NXPH3: variants seen among roughly 807,000 people sequenced by gnomAD.
The protein encoded by NXPH3 is neurexophilin-3.
In NXPH3, 7 loss-of-function variants were observed where a neutral mutation model predicts 18.8. That is an observed-to-expected ratio of 0.37 (90% confidence interval 0.21 to 0.70). The LOEUF is 0.70. Ranked by LOEUF, NXPH3 falls within the 30% of genes least tolerant of loss-of-function variation. The pLI, the probability that NXPH3 is intolerant of heterozygous loss-of-function variation, is 0.53. For missense variants in NXPH3, 282 were observed against 338.1 expected (o/e 0.83, Z 1.30); for synonymous variants, 101 against 137.3 (o/e 0.74, Z 1.85).
rs2071604379 is a variant in NXPH3 at position 49,582,218 on chromosome 17, T to C, written c.*2918T>C. 3.1e-6 allele frequency: 1 copy of C among 324,124 alleles called. No homozygotes were observed. The highest frequency in any genetic ancestry group is 5.7e-6 in the Non-Finnish European group (1 of 176,788). 20.1% of individuals were successfully genotyped at this position (324,124 alleles called of 1,614,324 possible). The stretch of plus-strand genomic sequence containing the variant: ...CCCCCACCATCACGACGAAGTGCGC[T>C]GGCCTCCCACTCTTGCCATGCACAC... On this transcript the variant is annotated 3_prime_UTR_variant, in exon 2 of 2. Coordinates refer to ENST00000328741, the MANE Select transcript of NXPH3 (RefSeq NM_007225.4).
At position 49,580,546 on chromosome 17, in the gene NXPH3, G is replaced by A. The variant is rs1361356369; in HGVS notation, c.*1246G>A. On this transcript the variant is annotated 3_prime_UTR_variant, in exon 2 of 2. Transcript: ENST00000328741. ...GGTTCCAAGCTGTCTGATCCCCCAC[G>A]AGGAAACTTGAGCAAACACCCTGGG... is the stretch of plus-strand genomic sequence containing the variant. 3 of 152,282 alleles carry A rather than the reference G, an allele frequency of 2.0e-5. No homozygotes were observed. The highest frequency in any genetic ancestry group is 2.4e-5 in the African/African-American group (1 of 41,444). 9.4% of individuals were successfully genotyped at this position (152,282 alleles called of 1,614,324 possible).
rs1225664449 is a variant in NXPH3, at chr17:49,579,487, C to T, written c.*187C>T. On this transcript the variant is annotated 3_prime_UTR_variant, in exon 2 of 2. Transcript: ENST00000328741. The surrounding 1 kb of genome is among the most constrained non-coding windows in gnomAD (Gnocchi z 6.0). ...GAGAAAGGGTCCCAAGTGCTGGTCC[C>T]AACCTGAAGCTGTGGAGTGACTAGA... 1.0e-5 allele frequency: 6 copies of T among 602,696 alleles called. No homozygotes were observed. The highest frequency in any genetic ancestry group is 1.5e-5 in the Non-Finnish European group (5 of 341,428). 37.3% of individuals were successfully genotyped at this position (602,696 alleles called of 1,614,324 possible). A position where few individuals can be genotyped will look rare whatever the true frequency, so the allele number is the denominator to read the frequency against.
chr17:49,576,490 C>T (rs898497269), intron 1 of NXPH3, among the ~76,000 whole-genome samples: 1 of 152,026 alleles, frequency 6.6e-6, no homozygotes, highest in Non-Finnish European at 1.5e-5. Context: ...GGCCCACCCA[C>T]TCCGCAGCGG....
Position 49,579,306 on chromosome 17 carries a change from G to A in NXPH3, c.*6G>A, listed in dbSNP as rs1237337504. The stretch of plus-strand genomic sequence containing the variant: ...CCTACTACCCATCTGGGTGACCCGG[G>A]GCAGGCCACAGAGGCCAGGCCAGGG... On this transcript the variant is annotated 3_prime_UTR_variant, in exon 2 of 2. Transcript: ENST00000328741. This position sits in a 1 kb window ranked among gnomAD's most constrained non-coding sequence, Gnocchi z 6.0. 2.5e-6 allele frequency: 4 copies of A among 1,592,802 alleles called. No individual in the cohort carries two copies. The African/African-American group carries it at 4.0e-5, about 16-fold the overall frequency.
At position 49,579,334 on chromosome 17, in the gene NXPH3, G is replaced by C. The variant is rs781089247; in HGVS notation, c.*34G>C. The stretch of plus-strand genomic sequence containing the variant: ...AGGCCACAGAGGCCAGGCCAGGGCT[G>C]GAAGGACAGGCCTGCCCATGCAGGA... On this transcript the variant is annotated 3_prime_UTR_variant, in exon 2 of 2. Coordinates refer to ENST00000328741, the MANE Select transcript of NXPH3 (RefSeq NM_007225.4). This position sits in a 1 kb window ranked among gnomAD's most constrained non-coding sequence, Gnocchi z 6.0. The C allele has an allele frequency of 6.5e-7, 1 of 1,548,118 alleles. No individual in the cohort carries two copies. Among genetic ancestry groups the C allele is most frequent in the Non-Finnish European group, 8.8e-7 (1 of 1,141,222 alleles).
In NXPH3 at chr17:49,582,793, C is replaced by T. The variant is rs2071607279; in HGVS notation, c.*3493C>T. The T allele has an allele frequency of 6.6e-6, 1 of 152,238 alleles. No individual in the cohort carries two copies. The highest frequency in any genetic ancestry group is 6.5e-5 in the Admixed American group (1 of 15,290). 9.4% of individuals were successfully genotyped at this position (152,238 alleles called of 1,614,324 possible). A position where few individuals can be genotyped will look rare whatever the true frequency, so the allele number is the denominator to read the frequency against. ...GCTGTCTGGGTCTCAGCATTCCTTT[C>T]TCAAGTAGGGTGAATCTCCTAGCAC... On this transcript the variant is annotated 3_prime_UTR_variant, in exon 2 of 2. Coordinates refer to ENST00000328741, the MANE Select transcript of NXPH3 (RefSeq NM_007225.4).
In NXPH3 at chr17:49,581,514, C is replaced by A; in HGVS notation, c.*2214C>A. 1 of 651,620 alleles carries A rather than the reference C, an allele frequency of 1.5e-6. No homozygotes were observed. The highest frequency in any genetic ancestry group is 1.7e-5 in the South Asian group (1 of 57,966). The allele number at this position is 651,620 out of a possible 1,614,324, so 40.4% of individuals were successfully genotyped here. Reference sequence around the variant, plus strand: ...GGCTGAGAAGCCATCTGGTTACAGCCCACCTTGTAGGAAATGACCCAGCTT... The same window carrying A: ...GGCTGAGAAGCCATCTGGTTACAGCACACCTTGTAGGAAATGACCCAGCTT... On this transcript the variant is annotated 3_prime_UTR_variant, in exon 2 of 2. Coordinates refer to ENST00000328741, the MANE Select transcript of NXPH3 (RefSeq NM_007225.4).
chr17:49,581,682 C>T lies in NXPH3; in HGVS notation c.*2382C>T, dbSNP rs901448205. 3 of 702,494 alleles carry T rather than the reference C, an allele frequency of 4.3e-6. No homozygotes were observed. Among genetic ancestry groups the T allele is most frequent in the African/African-American group, 1.7e-5 (1 of 57,270 alleles). 43.5% of individuals were successfully genotyped at this position (702,494 alleles called of 1,614,324 possible). On this transcript the variant is annotated 3_prime_UTR_variant, in exon 2 of 2. Coordinates refer to ENST00000328741, the MANE Select transcript of NXPH3 (RefSeq NM_007225.4). ...GGAGCAGCCCACCAATGGACACCCACCGTGTGCCGTTCAGCCTCCCACAGT... is the reference window on the plus strand; with the variant it reads ...GGAGCAGCCCACCAATGGACACCCATCGTGTGCCGTTCAGCCTCCCACAGT...
Position 49,579,364 on chromosome 17 carries a change from A to G in NXPH3, c.*64A>G, listed in dbSNP as rs2071588674. On this transcript the variant is annotated 3_prime_UTR_variant, in exon 2 of 2. Coordinates refer to ENST00000328741, the MANE Select transcript of NXPH3 (RefSeq NM_007225.4). The surrounding 1 kb of genome is among the most constrained non-coding windows in gnomAD (Gnocchi z 6.0). ...GACAGGCCTGCCCATGCAGGAGACC[A>G]TCTGGACACCGGGCAGGGAAGGGGT... 7.2e-7 allele frequency: 1 copy of G among 1,394,158 alleles called. No homozygotes were observed. The highest frequency in any genetic ancestry group is 9.8e-7 in the Non-Finnish European group (1 of 1,020,498). The allele number at this position is 1,394,158 out of a possible 1,614,324, so 86.4% of individuals were successfully genotyped here.
In NXPH3 at chr17:49,579,960, C is replaced by G. The variant is rs2071591594; in HGVS notation, c.*660C>G. 1 of 152,874 alleles carries G rather than the reference C, an allele frequency of 6.5e-6. No individual in the cohort carries two copies. Among genetic ancestry groups the G allele is most frequent in the Non-Finnish European group, 1.5e-5 (1 of 68,602 alleles). 9.5% of individuals were successfully genotyped at this position (152,874 alleles called of 1,614,324 possible). A position where few individuals can be genotyped will look rare whatever the true frequency, so the allele number is the denominator to read the frequency against. On this transcript the variant is annotated 3_prime_UTR_variant, in exon 2 of 2. Coordinates refer to ENST00000328741, the MANE Select transcript of NXPH3 (RefSeq NM_007225.4). The surrounding 1 kb of genome is among the most constrained non-coding windows in gnomAD (Gnocchi z 6.0). The stretch of plus-strand genomic sequence containing the variant: ...AAATTCCCTCTTCTGCCAGTACTCC[C>G]CCTGTACCACCCATTGCTGATGGCA...
Position 49,576,153 on chromosome 17 carries a change from AG to A in NXPH3, c.-63del. On this transcript the variant is annotated 5_prime_UTR_variant, in exon 1 of 2. Transcript: ENST00000328741. ...GGACGGCGCGCCTGAAGGAGCAGGAAGGGGAAGGAGGCCTGGGACCCCGAAA... is the reference window on the plus strand; with the variant it reads ...GGACGGCGCGCCTGAAGGAGCAGGAAGGGAAGGAGGCCTGGGACCCCGAAA... The A allele has an allele frequency of 6.5e-7, 1 of 1,536,998 alleles. No individual in the cohort carries two copies. The highest frequency in any genetic ancestry group is 8.8e-7 in the Non-Finnish European group (1 of 1,135,096).
In NXPH3 at chr17:49,579,962, C is replaced by T. The variant is rs2071591609; in HGVS notation, c.*662C>T. 2 of 152,894 alleles carry T rather than the reference C, an allele frequency of 1.3e-5. No homozygotes were observed. Among genetic ancestry groups the T allele is most frequent in the African/African-American group, 4.8e-5 (2 of 41,464 alleles). The allele number at this position is 152,894 out of a possible 1,614,324, so 9.5% of individuals were successfully genotyped here. Reference sequence around the variant, plus strand: ...ATTCCCTCTTCTGCCAGTACTCCCCCTGTACCACCCATTGCTGATGGCACA... The same window carrying T: ...ATTCCCTCTTCTGCCAGTACTCCCCTTGTACCACCCATTGCTGATGGCACA... On this transcript the variant is annotated 3_prime_UTR_variant, in exon 2 of 2. Coordinates refer to ENST00000328741, the MANE Select transcript of NXPH3 (RefSeq NM_007225.4). This position sits in a 1 kb window ranked among gnomAD's most constrained non-coding sequence, Gnocchi z 6.0.
In NXPH3 at chr17:49,581,304, C is replaced by T. The variant is rs2143047360; in HGVS notation, c.*2004C>T. On this transcript the variant is annotated 3_prime_UTR_variant, in exon 2 of 2. Coordinates refer to ENST00000328741, the MANE Select transcript of NXPH3 (RefSeq NM_007225.4). ...GAAGACACTACCAAGGTCACAGTGCCTTCTGGAGGTCATTCTAAGTCGGCT... is the reference window on the plus strand; with the variant it reads ...GAAGACACTACCAAGGTCACAGTGCTTTCTGGAGGTCATTCTAAGTCGGCT... The T allele has an allele frequency of 2.1e-6, 1 of 475,982 alleles. No individual in the cohort carries two copies. Among genetic ancestry groups the T allele is most frequent in the East Asian group, 3.5e-5 (1 of 28,786 alleles). 29.5% of individuals were successfully genotyped at this position (475,982 alleles called of 1,614,324 possible).
chr17:49,581,418 C>T lies in NXPH3; in HGVS notation c.*2118C>T, dbSNP rs937113795. ...AAGGTAAGATGGGCTTGCCACCCCC[C>T]ACCTTTCGCCCCTGCCCACCAGCGC... On this transcript the variant is annotated 3_prime_UTR_variant, in exon 2 of 2. Transcript: ENST00000328741. 35 of 596,658 alleles carry T rather than the reference C, an allele frequency of 5.9e-5. No homozygotes were observed. Among genetic ancestry groups the T allele is most frequent in the Non-Finnish European group, 9.6e-5 (32 of 335,014 alleles). The allele number at this position is 596,658 out of a possible 1,614,324, so 37.0% of individuals were successfully genotyped here. A position where few individuals can be genotyped will look rare whatever the true frequency, so the allele number is the denominator to read the frequency against.
In NXPH3 at chr17:49,581,791, A is replaced by G; in HGVS notation, c.*2491A>G. On this transcript the variant is annotated 3_prime_UTR_variant, in exon 2 of 2. Transcript: ENST00000328741. ...CCCCACCTCCCCTGGCTGAACTCTC[A>G]GCAGGCACTGGGGGCACTTTGACCC... 1.4e-6 allele frequency: 1 copy of G among 702,044 alleles called. No homozygotes were observed. The highest frequency in any genetic ancestry group is 2.6e-6 in the Non-Finnish European group (1 of 384,776). The allele number at this position is 702,044 out of a possible 1,614,324, so 43.5% of individuals were successfully genotyped here.
chr17:49,578,964 G>A lies in NXPH3; in HGVS notation c.423G>A (p.Gln141=), dbSNP rs749041605. 1 of 1,614,190 alleles carries A rather than the reference G, an allele frequency of 6.2e-7. No homozygotes were observed. Among genetic ancestry groups the A allele is most frequent in the South Asian group, 1.1e-5 (1 of 91,088 alleles). The change falls in exon 2 of 2, where the codon CAG becomes CAA. Residue 141 remains glutamine, a synonymous_variant. Coordinates refer to ENST00000328741, the MANE Select transcript of NXPH3 (RefSeq NM_007225.4). This position sits in a 1 kb window ranked among gnomAD's most constrained non-coding sequence, Gnocchi z 4.5. ...ACTTCCAACACAATGCCACAGGCCA[G>A]GGAAACATCTCCATCAGCCTCGTGC... The part of the protein sequence containing the change: ...SVHFQHNATG[Q]GNISISLVPP...
rs983337968 is a variant in NXPH3 at position 49,580,151 on chromosome 17, C to A, written c.*851C>A. On this transcript the variant is annotated 3_prime_UTR_variant, in exon 2 of 2. Transcript: ENST00000328741. ...CAACAGTCAGCCTCACCTGTCAGAC[C>A]GGGGTTCTCCCGGATCTGGATGGCG... 1.3e-5 allele frequency: 2 copies of A among 150,990 alleles called. No individual in the cohort carries two copies. The highest frequency in any genetic ancestry group is 3.0e-5 in the Non-Finnish European group (2 of 67,778). 9.4% of individuals were successfully genotyped at this position (150,990 alleles called of 1,614,324 possible).
At position 49,579,095 on chromosome 17, in the gene NXPH3, G is replaced by A. The variant is rs1278114945; in HGVS notation, c.554G>A (p.Gly185Asp). 1 of 1,614,104 alleles carries A rather than the reference G, an allele frequency of 6.2e-7. No individual in the cohort carries two copies. Among genetic ancestry groups the A allele is most frequent in the Non-Finnish European group, 8.5e-7 (1 of 1,180,054 alleles). ...CRMEWEKVER[G>D]RRTSLCTHDP... ...ATGGAGTGGGAGAAGGTAGAACGGG[G>A]CCGCCGGACCTCGCTTTGCACCCAC... Residue 185 changes from glycine to aspartate, a missense_variant, in exon 2 of 2, where the codon GGC becomes GAC. Coordinates refer to ENST00000328741, the MANE Select transcript of NXPH3 (RefSeq NM_007225.4). This position sits in a 1 kb window ranked among gnomAD's most constrained non-coding sequence, Gnocchi z 6.0.
In NXPH3 at chr17:49,583,292, G is replaced by A. The variant is rs1182194536; in HGVS notation, c.*3992G>A. On this transcript the variant is annotated 3_prime_UTR_variant, in exon 2 of 2. Transcript: ENST00000328741. The stretch of plus-strand genomic sequence containing the variant: ...ATTCCGAGTCCTGTGGTACTGCCAG[G>A]AGAACCGGGGGCTGGGGTGATGGGT... 2.6e-5 allele frequency: 4 copies of A among 152,446 alleles called. No homozygotes were observed. Among genetic ancestry groups the A allele is most frequent in the Non-Finnish European group, 5.9e-5 (4 of 68,120 alleles). The allele number at this position is 152,446 out of a possible 1,614,324, so 9.4% of individuals were successfully genotyped here.
Sources: gnomAD v4.1 joint callset for allele counts (sites outside exome capture counted in the v4.1 genomes callset) on GRCh38, gnomAD v4.1.1 for gene constraint, Gnocchi (gnomAD v3.1) non-coding constraint, MANE v1.5 for transcripts, NCBI Gene and HGNC (gene_info 2026-07-23, HGNC 2026-07-21) for gene names.